DRG2: variants seen among roughly 807,000 people sequenced by gnomAD.
The protein encoded by DRG2 is developmentally-regulated GTP-binding protein 2.
Under a neutral mutation model 53.4 loss-of-function variants are expected in DRG2, and 36 were observed. The observed-to-expected ratio is 0.67, with a 90% CI of 0.52 to 0.89. The LOEUF (loss-of-function observed/expected upper bound fraction) is 0.89, where lower values mean the gene tolerates loss of function less well. Among genes scored for constraint, DRG2 ranks in the 40% least tolerant of loss-of-function variants. The pLI, the probability that DRG2 is intolerant of heterozygous loss-of-function variation, is 0.00. For missense variants in DRG2, 342 were observed against 481.2 expected (o/e 0.71, Z 2.71); for synonymous variants, 167 against 192.1 (o/e 0.87, Z 1.08).
Position 18,099,424 on chromosome 17 carries a change from G to GTTACTCC in DRG2, c.377-206_377-200dup, listed in dbSNP as rs564106700. 3.3e-4 allele frequency: 216 copies of GTTACTCC among 648,132 alleles called. No homozygotes were observed. The highest frequency in any genetic ancestry group is 5.5e-4 in the Non-Finnish European group (200 of 363,796). The allele number at this position is 648,132 out of a possible 1,614,324, so 40.1% of individuals were successfully genotyped here. A position where few individuals can be genotyped will look rare whatever the true frequency, so the allele number is the denominator to read the frequency against. On this transcript the variant is annotated intron_variant, in intron 4 of 12. Coordinates refer to ENST00000225729, the MANE Select transcript of DRG2 (RefSeq NM_001388.5). The surrounding 1 kb of genome is among the most constrained non-coding windows in gnomAD (Gnocchi z 4.4). ...GGCGTAGGACAGCCGTTATTATCCT[G>GTTACTCC]TTACTCCTTTTATGATGGTGGTGTC... is the stretch of plus-strand genomic sequence containing the variant.
At position 18,099,796 on chromosome 17, in the gene DRG2, C is replaced by A; in HGVS notation, c.467+73C>A. ...AATGTGTCCCTGAGCTCGTACTAGG[C>A]GGCCTGTGGGTGTTTGGCTCTCTCA... On this transcript the variant is annotated intron_variant, in intron 5 of 12. Coordinates refer to ENST00000225729, the MANE Select transcript of DRG2 (RefSeq NM_001388.5). This position sits in a 1 kb window ranked among gnomAD's most constrained non-coding sequence, Gnocchi z 4.4. 2 of 1,482,374 alleles carry A rather than the reference C, an allele frequency of 1.3e-6. No individual in the cohort carries two copies. The highest frequency in any genetic ancestry group is 1.8e-6 in the Non-Finnish European group (2 of 1,087,880). The allele number at this position is 1,482,374 out of a possible 1,614,324, so 91.8% of individuals were successfully genotyped here. A position where few individuals can be genotyped will look rare whatever the true frequency, so the allele number is the denominator to read the frequency against.
Position 18,094,937 on chromosome 17 carries a change from G to GCAC in DRG2, c.225+965_225+967dup, listed in dbSNP as rs80170610. ...TGCGGTGAGCCGAGATTGCACCATT[G>GCAC]CACTCTAGCCTGGGCAACAAGAGCA... On this transcript the variant is annotated intron_variant, in intron 2 of 12. Transcript: ENST00000225729. Among the ~76,000 whole-genome samples, 542 of 110,390 alleles carry GCAC rather than the reference G, an allele frequency of 4.9e-3. 28 individuals carry two copies. The East Asian group carries it at 0.14, about 29-fold the overall frequency. The allele number at this position is 110,390 out of a possible 152,430, so 72.4% of individuals were successfully genotyped here.
intron 10 of DRG2, 168 bp from the exon 11 acceptor site, chr17:18,104,455 G>A: frequency 1.4e-6 from 2 of 1,381,524 alleles, no homozygotes; most frequent in Non-Finnish European, 1.9e-6. Context: ...GGTCGTAGAA[G>A]ATGGTACAGG....
At chr17:18,102,111 G>A in intron 9 of DRG2, 114 bp downstream of exon 9, 3 of 1,087,784 alleles carry the variant, frequency 2.8e-6, no homozygotes, top group Non-Finnish European at 4.0e-6. Context: ...ACAGCCTCCA[G>A]CAGCACACAG....
intron 1 of DRG2, among the ~76,000 whole-genome samples, chr17:18,090,945 T>G (rs1336892758): frequency 6.6e-6 from 1 of 152,242 alleles, no homozygotes; most frequent in African/African-American, 2.4e-5. Context: ...GTGCTGGGAT[T>G]ACAGGCATGA....
chr17:18,090,370 ATATATATATATATAT>A (rs1236543855), intron 1 of DRG2, among the ~76,000 whole-genome samples: 1 of 11,720 alleles, frequency 8.5e-5, no homozygotes, highest in Admixed American at 1.4e-3. Context: ...GGGCTAATTT[ATATATATATATATAT>A]ATATATATAT....
intron 9 of DRG2, among the ~76,000 whole-genome samples, chr17:18,102,769 T>A (rs1199281150): frequency 1.3e-5 from 2 of 152,072 alleles, no homozygotes; most frequent in African/African-American, 4.8e-5. Context: ...AGGGAACTAA[T>A]GTTCTCAGGC....
At chr17:18,088,612 T>C (rs935851660) in intron 1 of DRG2, among the ~76,000 whole-genome samples, 3 of 152,250 alleles carry the variant, frequency 2.0e-5, no homozygotes, top group African/African-American at 7.2e-5. Flanking sequence ...GGAGTCTCAG[T>C]GTCCTCATCT....
In DRG2 at chr17:18,090,368, TTATATATATATA is replaced by T. The variant is rs1242491729; in HGVS notation, c.64+2309_64+2320del. Among the ~76,000 whole-genome samples the T allele has an allele frequency of 8.3e-3, 212 of 25,458 alleles. 4 individuals are homozygous for T. Among genetic ancestry groups the T allele is most frequent in the African/African-American group, 0.026 (189 of 7,234 alleles). 16.7% of individuals were successfully genotyped at this position (25,458 alleles called of 152,430 possible). A position where few individuals can be genotyped will look rare whatever the true frequency, so the allele number is the denominator to read the frequency against. On this transcript the variant is annotated intron_variant, in intron 1 of 12. Transcript: ENST00000225729. Reference sequence around the variant, plus strand: ...GTGTGCACCACCACACCGGGCTAATTTATATATATATATATATATATATATATATATATATAT... The same window carrying T: ...GTGTGCACCACCACACCGGGCTAATTTATATATATATATATATATATATAT...
In DRG2 at chr17:18,099,619, TCA is replaced by T; in HGVS notation, c.377-10_377-9del. 6.3e-7 allele frequency: 1 copy of T among 1,596,776 alleles called. No homozygotes were observed. Among genetic ancestry groups the T allele is most frequent in the East Asian group, 2.3e-5 (1 of 44,166 alleles). On this transcript the variant is annotated splice_polypyrimidine_tract_variant and intron_variant, in intron 4 of 12. Transcript: ENST00000225729. The surrounding 1 kb of genome is among the most constrained non-coding windows in gnomAD (Gnocchi z 4.4). ...GGGTCCACATATGTAACTGCATCCC[TCA>T]CACCCATCCAGGAAAAGGCCGTGGC...
Position 18,107,610 on chromosome 17 carries a change from C to T in DRG2, c.*370C>T, listed in dbSNP as rs1597735380. 4.2e-6 allele frequency: 1 copy of T among 240,396 alleles called. No individual in the cohort carries two copies. The allele number at this position is 240,396 out of a possible 1,614,324, so 14.9% of individuals were successfully genotyped here. A position where few individuals can be genotyped will look rare whatever the true frequency, so the allele number is the denominator to read the frequency against. ...GGCTGGTAGCTGGGCCTGTTTGGGTCCCTGGAGGCTGTGGCTGCTGTCATG... is the reference window on the plus strand; with the variant it reads ...GGCTGGTAGCTGGGCCTGTTTGGGTTCCTGGAGGCTGTGGCTGCTGTCATG... On this transcript the variant is annotated 3_prime_UTR_variant, in exon 13 of 13. Transcript: ENST00000225729.
At position 18,088,053 on chromosome 17, in the gene DRG2, C is replaced by A. The variant is rs1371248372; in HGVS notation, c.30C>A (p.Ile10=). The A allele has an allele frequency of 7.1e-6, 11 of 1,549,706 alleles. No individual in the cohort carries two copies. In the Admixed American group the frequency reaches 2.2e-4, roughly 31 times the overall value. Residue 10 remains isoleucine (I), a synonymous_variant, in exon 1 of 13, where the codon ATC becomes ATA. Coordinates refer to ENST00000225729, the MANE Select transcript of DRG2 (RefSeq NM_001388.5). The stretch of plus-strand genomic sequence containing the variant: ...GGATCTTAGAGAAGATCTCGGAGAT[C>A]GAGAAGGAGATCGCTCGGACACAGA... The part of the protein sequence containing the change: MGILEKISE[I]EKEIARTQKN...
intron 1 of DRG2, 99 bp downstream of exon 1, chr17:18,088,186 C>T (rs2142173805): frequency 4.3e-6 from 6 of 1,403,320 alleles, no homozygotes; most frequent in African/African-American, 1.5e-5. Flanking sequence ...GGGCAAGATC[C>T]GAGGCCGCGG....
In DRG2 at chr17:18,103,464, A is replaced by G. The variant is rs2045574462; in HGVS notation, c.807-337A>G. 6.6e-6 allele frequency among the ~76,000 whole-genome samples: 1 copy of G among 152,114 alleles called. No individual in the cohort carries two copies. Among genetic ancestry groups the G allele is most frequent in the African/African-American group, 2.4e-5 (1 of 41,440 alleles). On this transcript the variant is annotated intron_variant, in intron 9 of 12. Coordinates refer to ENST00000225729, the MANE Select transcript of DRG2 (RefSeq NM_001388.5). The surrounding 1 kb of genome is among the most constrained non-coding windows in gnomAD (Gnocchi z 4.4). ...TCTCAAGGAGTGAACTCTGGGTGTC[A>G]GGGTTCCTAGCCTTTGCCCATGGTC...
In DRG2 at chr17:18,100,207, C is replaced by A; in HGVS notation, c.468-156C>A. 2 of 772,126 alleles carry A rather than the reference C, an allele frequency of 2.6e-6. No homozygotes were observed. Among genetic ancestry groups the A allele is most frequent in the Non-Finnish European group, 4.4e-6 (2 of 453,494 alleles). 47.8% of individuals were successfully genotyped at this position (772,126 alleles called of 1,614,324 possible). A position where few individuals can be genotyped will look rare whatever the true frequency, so the allele number is the denominator to read the frequency against. ...CAGAGTTTAGAAGTTCCCTGCAGCT[C>A]TAGGGCATTGGGAAGGAGTGTTCTC... On this transcript the variant is annotated intron_variant, in intron 5 of 12. Transcript: ENST00000225729. This position sits in a 1 kb window ranked among gnomAD's most constrained non-coding sequence, Gnocchi z 4.1.
intron 10 of DRG2, 145 bp downstream of exon 10, chr17:18,104,034 C>T: frequency 1.3e-6 from 1 of 761,608 alleles, no homozygotes. Flanking sequence ...CTTCTCAGCA[C>T]TGGGCACTGC....
Position 18,099,361 on chromosome 17 carries a change from G to T in DRG2, c.377-272G>T. 1 of 609,952 alleles carries T rather than the reference G, an allele frequency of 1.6e-6. No homozygotes were observed. Among genetic ancestry groups the T allele is most frequent in the Admixed American group, 2.9e-5 (1 of 34,296 alleles). 37.8% of individuals were successfully genotyped at this position (609,952 alleles called of 1,614,324 possible). ...GAGGATTAAGTGAGGAAATGTTCAG[G>T]AAGCATTTAGCCTGGGCCCTGCCAC... On this transcript the variant is annotated intron_variant, in intron 4 of 12. Transcript: ENST00000225729. This position sits in a 1 kb window ranked among gnomAD's most constrained non-coding sequence, Gnocchi z 4.4.
chr17:18,088,178 G>A lies in DRG2; in HGVS notation c.64+91G>A, dbSNP rs537112577. The A allele has an allele frequency of 3.1e-4, 446 of 1,440,056 alleles. 5 individuals carry two copies. The South Asian group carries it at 5.4e-3, about 17-fold the overall frequency. 89.2% of individuals were successfully genotyped at this position (1,440,056 alleles called of 1,614,324 possible). ...GAACAACTCCAGCAGTAATGCTGGGGCAAGATCCGAGGCCGCGGAGAAGTT... is the reference window on the plus strand; with the variant it reads ...GAACAACTCCAGCAGTAATGCTGGGACAAGATCCGAGGCCGCGGAGAAGTT... On this transcript the variant is annotated intron_variant, in intron 1 of 12. Transcript: ENST00000225729.
At chr17:18,107,070 C>A in intron 12 of DRG2, 84 bp from the exon 13 acceptor site, 3 of 1,300,504 alleles carry the variant, frequency 2.3e-6, no homozygotes, top group South Asian at 1.2e-5. Flanking sequence ...ATTTACCCTT[C>A]AGGACACACA....
Sources: gnomAD v4.1 joint callset for allele counts (sites outside exome capture counted in the v4.1 genomes callset) on GRCh38, gnomAD v4.1.1 for gene constraint, Gnocchi (gnomAD v3.1) non-coding constraint, MANE v1.5 for transcripts, NCBI Gene and HGNC (gene_info 2026-07-23, HGNC 2026-07-21) for gene names.